The following TLL1 variants were observed in gnomAD, a reference collection of about 807,000 sequenced individuals.
The protein encoded by TLL1 is tolloid like 1.
In TLL1, 49 loss-of-function variants were observed where a neutral mutation model predicts 128.2. The observed-to-expected ratio is 0.38, with a 90% CI of 0.30 to 0.48. TLL1 has a LOEUF of 0.48. Among genes scored for constraint, TLL1 ranks in the 20% least tolerant of loss-of-function variants. The probability of loss-of-function intolerance (pLI) is 0.96; values close to 1 mark genes in which losing one functional copy is unlikely to be tolerated. For missense variants in TLL1, 1,123 were observed against 1,242.0 expected (o/e 0.90, Z 1.44); for synonymous variants, 454 against 418.8 (o/e 1.08, Z -1.03).
intron 18 of TLL1, among the ~76,000 whole-genome samples, chr4:166,090,346 C>A (rs1741705826): frequency 6.6e-6 from 1 of 152,002 alleles, no homozygotes; most frequent in Non-Finnish European, 1.5e-5. Flanking sequence ...CAGTCCATCT[C>A]AATTAAACTT....
At chr4:165,970,992 C>G (rs1005046516) in intron 1 of TLL1, among the ~76,000 whole-genome samples, 1 of 152,266 alleles carries the variant, frequency 6.6e-6, no homozygotes, top group African/African-American at 2.4e-5. Flanking sequence ...CTCAAGCAAT[C>G]TGTCCTAGAG....
chr4:166,048,143 G>A (rs7664446), intron 12 of TLL1, among the ~76,000 whole-genome samples: 18,146 of 151,692 alleles, frequency 0.12, 1,138 homozygotes, highest in African/African-American at 0.17. Context: ...GGCTGAGGCA[G>A]GAGAATCGCT....
chr4:166,025,778 T>G (rs1738467100), intron 9 of TLL1, among the ~76,000 whole-genome samples: 1 of 152,000 alleles, frequency 6.6e-6, no homozygotes, highest in African/African-American at 2.4e-5. Flanking sequence ...AGGAAAAAAT[T>G]ATAATGAAAA....
intron 16 of TLL1, among the ~76,000 whole-genome samples, chr4:166,071,318 G>GC (rs1170929547): frequency 6.6e-6 from 1 of 151,848 alleles, no homozygotes; most frequent in African/African-American, 2.4e-5. Context: ...GAGGTTCGCT[G>GC]CAGGCCTCTG....
At chr4:166,050,864 G>A (rs1739687297) in intron 12 of TLL1, among the ~76,000 whole-genome samples, 1 of 152,198 alleles carries the variant, frequency 6.6e-6, no homozygotes, top group Non-Finnish European at 1.5e-5. Context: ...CTGCATTAAA[G>A]ATATGAACCC....
chr4:166,095,708 A>G (rs1741986339), intron 19 of TLL1, among the ~76,000 whole-genome samples: 1 of 152,110 alleles, frequency 6.6e-6, no homozygotes, highest in African/African-American at 2.4e-5. Context: ...GGAAATAAAC[A>G]AACCTGTCTT....
At chr4:165,880,775 G>A (rs575085398) in intron 1 of TLL1, among the ~76,000 whole-genome samples, 2 of 152,294 alleles carry the variant, frequency 1.3e-5, no homozygotes, top group South Asian at 4.1e-4. Flanking sequence ...AGATGGAGGG[G>A]TAAAAGGGTG....
intron 5 of TLL1, among the ~76,000 whole-genome samples, chr4:165,997,133 A>C (rs1287102687): frequency 2.6e-5 from 4 of 152,026 alleles, no homozygotes; most frequent in African/African-American, 9.6e-5. Context: ...ACACAATTTC[A>C]TAAAACATCA....
intron 3 of TLL1, 48 bp downstream of exon 3, chr4:165,992,932 ATAT>A (rs1472228520): frequency 5.0e-6 from 7 of 1,404,472 alleles, no homozygotes. Context: ...TGTACAGTAA[ATAT>A]TATACTCATA....
chr4:165,881,249 C>T (rs537891917), intron 1 of TLL1, among the ~76,000 whole-genome samples: 1 of 152,138 alleles, frequency 6.6e-6, no homozygotes, highest in Non-Finnish European at 1.5e-5. Flanking sequence ...TCAAGTACCT[C>T]GCATATCTAG....
At chr4:165,915,547 A>T (rs1449606576) in intron 1 of TLL1, among the ~76,000 whole-genome samples, 21 of 152,188 alleles carry the variant, frequency 1.4e-4, no homozygotes, top group Non-Finnish European at 3.1e-4. Context: ...GCCAAGGATT[A>T]TTTAGTCACC....
At chr4:166,072,749 A>G (rs1244152278) in intron 16 of TLL1, among the ~76,000 whole-genome samples, 1 of 152,086 alleles carries the variant, frequency 6.6e-6, no homozygotes, top group African/African-American at 2.4e-5. Flanking sequence ...GTGTTATTGA[A>G]TAACACTTGT....
At chr4:165,882,206 G>A (rs1465627387) in intron 1 of TLL1, among the ~76,000 whole-genome samples, 1 of 152,082 alleles carries the variant, frequency 6.6e-6, no homozygotes, top group Non-Finnish European at 1.5e-5. Context: ...ACTCTGGCCT[G>A]GTTTCCTAAG....
chr4:165,965,123 G>A (rs1561059785), intron 1 of TLL1, among the ~76,000 whole-genome samples: 1 of 151,936 alleles, frequency 6.6e-6, no homozygotes, highest in African/African-American at 2.4e-5. Flanking sequence ...TTTTTAGTCT[G>A]TCCTTGACTT....
At chr4:165,906,752 A>C (rs911842853) in intron 1 of TLL1, among the ~76,000 whole-genome samples, 1 of 151,582 alleles carries the variant, frequency 6.6e-6, no homozygotes, top group Non-Finnish European at 1.5e-5. Flanking sequence ...TGTCTCTTTG[A>C]ATTAGGCCTG....
chr4:166,059,895 A>G, intron 14 of TLL1, 133 bp from the exon 15 acceptor site: 1 of 1,087,262 alleles, frequency 9.2e-7, no homozygotes. Flanking sequence ...AGAGACTGCC[A>G]TTTCTGGATT....
intron 17 of TLL1, among the ~76,000 whole-genome samples, chr4:166,075,478 C>T (rs1740980350): frequency 6.6e-6 from 1 of 152,132 alleles, no homozygotes; most frequent in Admixed American, 6.6e-5. Flanking sequence ...ATGGTAGACA[C>T]TGTGTCATTT....
At chr4:166,080,727 T>A (rs537359271) in intron 18 of TLL1, among the ~76,000 whole-genome samples, 2 of 152,310 alleles carry the variant, frequency 1.3e-5, no homozygotes, top group East Asian at 3.9e-4. Flanking sequence ...TAATCAGGAA[T>A]TAAGCCAAGA....
intron 1 of TLL1, among the ~76,000 whole-genome samples, chr4:165,880,207 G>A (rs1043187852): frequency 1.3e-5 from 2 of 152,090 alleles, no homozygotes; most frequent in Non-Finnish European, 2.9e-5. Flanking sequence ...ACTGACTATT[G>A]GACTTTGAGA....
Sources: gnomAD v4.1 joint callset for allele counts (sites outside exome capture counted in the v4.1 genomes callset) on GRCh38, gnomAD v4.1.1 for gene constraint, MANE v1.5 for transcripts, NCBI Gene and HGNC (gene_info 2026-07-23, HGNC 2026-07-21) for gene names.